The following ZNF142 variants were observed in gnomAD, a reference collection of about 807,000 sequenced individuals.
ZNF142 encodes the protein zinc finger protein 142 (clone pHZ-49).
Under a neutral mutation model 132.1 loss-of-function variants are expected in ZNF142, and 96 were observed. The ratio of observed to expected loss-of-function variants is 0.73; its 90% CI spans 0.62 to 0.86. The LOEUF is 0.86. ZNF142 is among the 40% of genes least tolerant of loss of function. The pLI, the probability that ZNF142 is intolerant of heterozygous loss-of-function variation, is 0.00. For synonymous variants in ZNF142, 842 were observed against 890.1 expected (o/e 0.95, Z 0.96); for missense variants, 2,163 against 2,336.2 (o/e 0.93, Z 1.53).
Position 218,634,271 on chromosome 2 carries a change from G to A in ZNF142, c.*4068C>T, listed in dbSNP as rs1696579055. ...AGAGGGAGTGGAGGAGCAGCAGGTG[G>A]GAAATAAGTTCTCTAGTGATGGTAG... is the stretch of plus-strand genomic sequence containing the variant. On this transcript the variant is annotated 3_prime_UTR_variant, in exon 11 of 11. Coordinates refer to ENST00000411696, the MANE Select transcript of ZNF142 (RefSeq NM_001379659.1). This position sits in a 1 kb window ranked among gnomAD's most constrained non-coding sequence, Gnocchi z 4.0. 3.2e-6 allele frequency: 5 copies of A among 1,580,498 alleles called. No individual in the cohort carries two copies. Among genetic ancestry groups the A allele is most frequent in the Non-Finnish European group, 4.3e-6 (5 of 1,163,124 alleles).
chr2:218,656,559 G>T, intron 3 of ZNF142, 96 bp from the exon 4 acceptor site: 2 of 755,624 alleles, frequency 2.6e-6, no homozygotes, highest in Middle Eastern at 3.8e-4. Context: ...ACCCACTTAG[G>T]CATTTTCTTG....
rs375631601 is a variant in ZNF142, at chr2:218,644,958, C to G, written c.2158G>C (p.Ala720Pro). ...TGCAGCTCATACTTCCGCTTGCAGG[C>G]GAAGGCACACACCTCACACATCAGA... ...KSLMCEVCAF[A>P]CKRKYELQKH... is the part of the protein sequence containing the mutation. The change falls in exon 9 of 11, where the codon GCC becomes CCC. Residue 720 changes from alanine (A) to proline (P), a missense_variant. This residue lies in a region of ZNF142 where 749 missense variants were observed against 830.3 expected (regional missense o/e 0.90). Transcript: ENST00000411696. This position sits in a 1 kb window ranked among gnomAD's most constrained non-coding sequence, Gnocchi z 4.6. The G allele has an allele frequency of 8.2e-5, 132 of 1,614,016 alleles. No individual in the cohort carries two copies. The highest frequency in any genetic ancestry group is 1.1e-4 in the Non-Finnish European group (130 of 1,180,040).
At chr2:218,647,216 G>T (rs1470917780) in intron 7 of ZNF142, among the ~76,000 whole-genome samples, 5 of 151,836 alleles carry the variant, frequency 3.3e-5, no homozygotes, top group Non-Finnish European at 5.9e-5. Context: ...GAGGTCAGGA[G>T]ATCGAGACCA....
At chr2:218,645,881 C>T (rs141836684) in intron 8 of ZNF142, among the ~76,000 whole-genome samples, 2 of 152,198 alleles carry the variant, frequency 1.3e-5, no homozygotes, top group Non-Finnish European at 2.9e-5. Context: ...AGTGCTTCAG[C>T]CTCCCAAGAA....
In ZNF142 at chr2:218,656,210, C is replaced by G. The variant is rs750217882; in HGVS notation, c.220G>C (p.Glu74Gln). 3.7e-6 allele frequency: 6 copies of G among 1,612,578 alleles called. No homozygotes were observed. The East Asian group carries it at 6.7e-5, about 18-fold the overall frequency. ...CCAGCTACTGTCTCCACAATGATCT[C>G]CATGTTCCCTGGTCCCTCTTCAGTT... is the stretch of plus-strand genomic sequence containing the variant. ...TATEEGPGNM[E>Q]IIVETVAGTL... Residue 74 changes from glutamate to glutamine, a missense_variant, in exon 4 of 11, where the codon GAG becomes CAG. Physicochemically the swap from Glu to Gln is conservative, Grantham distance 29 (BLOSUM62 2). Coordinates refer to ENST00000411696, the MANE Select transcript of ZNF142 (RefSeq NM_001379659.1).
intron 10 of ZNF142, among the ~76,000 whole-genome samples, chr2:218,640,455 T>A (rs554695676): frequency 6.6e-6 from 1 of 152,202 alleles, no homozygotes; most frequent in Non-Finnish European, 1.5e-5. Flanking sequence ...AAAGTACATA[T>A]GCCCAGGCTC....
rs765927087 is a variant in ZNF142 at position 218,649,431 on chromosome 2, G to A, written c.1077C>T (p.Leu359=). ...ACTCTGGACACATATGGGTCTTGAA[G>A]AGGGACTCGGTGCCAGAGACCACAT... The part of the protein sequence containing the change: ...EGDVVSGTES[L]FKTHMCPECK... Residue 359 remains leucine, a synonymous_variant, in exon 7 of 11, where the codon CTC becomes CTT. Coordinates refer to ENST00000411696, the MANE Select transcript of ZNF142 (RefSeq NM_001379659.1). 6.2e-7 allele frequency: 1 copy of A among 1,606,630 alleles called. No homozygotes were observed. The highest frequency in any genetic ancestry group is 1.7e-5 in the Admixed American group (1 of 58,898).
chr2:218,655,143 A>C (rs1285451412), intron 4 of ZNF142, among the ~76,000 whole-genome samples: 1 of 152,208 alleles, frequency 6.6e-6, no homozygotes, highest in East Asian at 1.9e-4. Context: ...ACAACAAAAA[A>C]GATGGTTTCT....
intron 9 of ZNF142, among the ~76,000 whole-genome samples, chr2:218,641,642 C>G (rs1697205150): frequency 6.6e-6 from 1 of 151,230 alleles, no homozygotes; most frequent in Admixed American, 6.6e-5. Context: ...TAGGCTCAAG[C>G]AATCCTCCCA....
chr2:218,640,061 CAAAAAAAAAAAAA>C (rs35136548), intron 10 of ZNF142, among the ~76,000 whole-genome samples: 7 of 44,334 alleles, frequency 1.6e-4, no homozygotes, highest in East Asian at 7.4e-4. Context: ...GACTCTGTCT[CAAAAAAAAAAAAA>C]AAAAAAAAAA....
At chr2:218,657,277 C>A (rs1040597420) in intron 3 of ZNF142, among the ~76,000 whole-genome samples, 41 of 152,182 alleles carry the variant, frequency 2.7e-4, no homozygotes, top group African/African-American at 9.2e-4. Context: ...TCTCCAGACC[C>A]ACCACATTCT....
rs1475021307 is a variant in ZNF142 at position 218,633,949 on chromosome 2, G to A, written c.*4390C>T. On this transcript the variant is annotated 3_prime_UTR_variant, in exon 11 of 11. Coordinates refer to ENST00000411696, the MANE Select transcript of ZNF142 (RefSeq NM_001379659.1). ...GGCTCAAGGGTCTAGGGGCAGGAAAGCTGGTCTGGATGGACAGAGTAGAGA... is the reference window on the plus strand; with the variant it reads ...GGCTCAAGGGTCTAGGGGCAGGAAAACTGGTCTGGATGGACAGAGTAGAGA... 1 of 1,229,874 alleles carries A rather than the reference G, an allele frequency of 8.1e-7. No homozygotes were observed. Among genetic ancestry groups the A allele is most frequent in the Non-Finnish European group, 1.1e-6 (1 of 882,936 alleles). 76.2% of individuals were successfully genotyped at this position (1,229,874 alleles called of 1,614,324 possible).
At chr2:218,655,673 A>C (rs1397831891) in intron 4 of ZNF142, among the ~76,000 whole-genome samples, 1 of 152,138 alleles carries the variant, frequency 6.6e-6, no homozygotes, top group Non-Finnish European at 1.5e-5. Flanking sequence ...TATTCTTAAC[A>C]ACATGCCTCG....
rs1273685232 is a variant in ZNF142, at chr2:218,642,761, T to C, written c.4355A>G (p.Asp1452Gly). The change falls in exon 9 of 11, where the codon GAC becomes GGC. Residue 1452 changes from aspartate to glycine, a missense_variant. Physicochemically the swap from Asp to Gly is moderately conservative, Grantham distance 94. This residue lies in a region of ZNF142 where 809 missense variants were observed against 801.7 expected (regional missense o/e 1.01). Transcript: ENST00000411696. The surrounding 1 kb of genome is among the most constrained non-coding windows in gnomAD (Gnocchi z 4.6). ...TGGACAGAAGTGGGTAGGTGTTTTG[T>C]CATGTACCCTTAACCGGTGCAAGCG... ...KLRLHRLRVH[D>G]KTPTHFCPLC... The C allele has an allele frequency of 6.2e-7, 1 of 1,614,180 alleles. No individual in the cohort carries two copies. The highest frequency in any genetic ancestry group is 1.1e-5 in the South Asian group (1 of 91,088).
At chr2:218,651,621 C>A in intron 5 of ZNF142, 80 bp downstream of exon 5, 2 of 1,197,856 alleles carry the variant, frequency 1.7e-6, no homozygotes, top group Non-Finnish European at 2.1e-6. Flanking sequence ...CATTCATGGC[C>A]TTGGAAACAA....
Position 218,644,863 on chromosome 2 carries a change from G to A in ZNF142, c.2253C>T (p.Tyr751=), listed in dbSNP as rs1282856668. 1 of 1,614,122 alleles carries A rather than the reference G, an allele frequency of 6.2e-7. No homozygotes were observed. Among genetic ancestry groups the A allele is most frequent in the Non-Finnish European group, 8.5e-7 (1 of 1,179,974 alleles). The change falls in exon 9 of 11, where the codon TAC becomes TAT. Residue 751 remains tyrosine (Y), a synonymous_variant. Transcript: ENST00000411696. The surrounding 1 kb of genome is among the most constrained non-coding windows in gnomAD (Gnocchi z 4.6). The part of the protein sequence containing the change: ...APLYPCHYCS[Y]QSRHKQAVLS... Reference sequence around the variant, plus strand: ...GCACAGCCTGCTTGTGGCGGCTCTGGTAACTGCAGTAGTGGCAAGGGTAGA... The same window carrying A: ...GCACAGCCTGCTTGTGGCGGCTCTGATAACTGCAGTAGTGGCAAGGGTAGA...
Position 218,638,798 on chromosome 2 carries a change from T to C in ZNF142, c.5205A>G (p.Pro1735=). The C allele has an allele frequency of 1.3e-6, 2 of 1,599,172 alleles. No individual in the cohort carries two copies. The highest frequency in any genetic ancestry group is 1.7e-6 in the Non-Finnish European group (2 of 1,177,444). The part of the protein sequence containing the change: ...YHMTKHTGLK[P]YQCPECEYCT... ...AGTACTCACACTCGGGACACTGGTA[T>C]GGCTTCAGTCCTACAGGACAGGGAA... Residue 1735 remains proline (P), a synonymous_variant, in exon 11 of 11, where the codon CCA becomes CCG. Transcript: ENST00000411696.
rs370225990 is a variant in ZNF142, at chr2:218,638,662, G to A, written c.5341C>T (p.Arg1781Cys). ...GKAFKTRFLL[R>C]THLRKHSEAK... ...TCACTGTGCTTGCGAAGGTGGGTGCGCAGCAGGAAGCGCGTCTTGAAGGCC... is the reference window on the plus strand; with the variant it reads ...TCACTGTGCTTGCGAAGGTGGGTGCACAGCAGGAAGCGCGTCTTGAAGGCC... Residue 1781 changes from arginine to cysteine, a missense_variant, in exon 11 of 11, where the codon CGC becomes TGC. Around this residue, in one of 7 missense-constraint regions of ZNF142, gnomAD observed 325 missense variants for 367.8 expected, o/e 0.88. Transcript: ENST00000411696. 2.7e-5 allele frequency: 43 copies of A among 1,614,080 alleles called. No individual in the cohort carries two copies. The highest frequency in any genetic ancestry group is 1.8e-4 in the South Asian group (16 of 91,092).
rs755707492 is a variant in ZNF142 at position 218,642,751 on chromosome 2, A to G, written c.4365T>C (p.Pro1455=). 1 of 1,614,176 alleles carries G rather than the reference A, an allele frequency of 6.2e-7. No individual in the cohort carries two copies. Among genetic ancestry groups the G allele is most frequent in the Non-Finnish European group, 8.5e-7 (1 of 1,180,034 alleles). Residue 1455 remains proline (P), a synonymous_variant, in exon 9 of 11, where the codon CCT becomes CCC. Transcript: ENST00000411696. The surrounding 1 kb of genome is among the most constrained non-coding windows in gnomAD (Gnocchi z 4.6). ...LHRLRVHDKT[P]THFCPLCDYS... ...AGTCACAAAGTGGACAGAAGTGGGT[A>G]GGTGTTTTGTCATGTACCCTTAACC...
Sources: allele counts gnomAD v4.1 joint callset (sites outside exome capture counted in the v4.1 genomes callset), GRCh38; gene constraint gnomAD v4.1.1; regional missense constraint gnomAD v4.1.1; non-coding constraint Gnocchi (gnomAD v3.1); transcripts MANE v1.5; gene names NCBI Gene and HGNC (gene_info 2026-07-23, HGNC 2026-07-21).